MDN1: variants seen among roughly 807,000 people sequenced by gnomAD.
MDN1 encodes midasin AAA ATPase 1, also known as midasin.
A neutral mutation model predicts 669.2 loss-of-function variants in MDN1; 266 were observed. The observed-to-expected ratio is 0.40, with a 90% confidence interval of 0.36 to 0.44. MDN1 has a LOEUF of 0.44. Ranked by LOEUF, MDN1 falls within the 20% of genes least tolerant of loss-of-function variation. The probability of loss-of-function intolerance (pLI) is 1.00; values close to 1 mark genes in which losing one functional copy is unlikely to be tolerated. For synonymous variants in MDN1, 2,385 were observed against 2,457.1 expected, an observed-to-expected ratio of 0.97 and a Z score of 0.87; for missense variants, 5,940 against 6,754.0, an observed-to-expected ratio of 0.88 and a Z score of 4.22.
chr6:89,787,538 G>A (rs542964920), intron 8 of MDN1, among the ~76,000 whole-genome samples: 3 of 152,184 alleles, frequency 2.0e-5, no homozygotes, highest in Non-Finnish European at 4.4e-5. Context: ...GTATACATAG[G>A]TACTAAGTAG....
chr6:89,669,200 GACAAAAGCTAC>G (rs1810465425), intron 83 of MDN1, among the ~76,000 whole-genome samples: 1 of 152,136 alleles, frequency 6.6e-6, no homozygotes, highest in Non-Finnish European at 1.5e-5. Flanking sequence ...CAGCCTGTCA[GACAAAAGCTAC>G]GGTACAAATG....
rs781029849 is a variant in MDN1, at chr6:89,673,435, C to G, written c.13275G>C (p.Ala4425=). The change falls in exon 80 of 102, where the codon GCG becomes GCC. Residue 4425 remains alanine (A), a synonymous_variant. Coordinates refer to ENST00000369393, the MANE Select transcript of MDN1 (RefSeq NM_014611.3). ...SWKDFEVCSS[A]LSCLSQVSVH... is the part of the protein sequence containing the mutation. Reference sequence around the variant, plus strand: ...CTGACACCTGGGACAAGCAACTCAGCGCAGAAGAGCAAACTTCAAAATCTT... The same window carrying G: ...CTGACACCTGGGACAAGCAACTCAGGGCAGAAGAGCAAACTTCAAAATCTT... The G allele has an allele frequency of 1.2e-6, 2 of 1,614,048 alleles. No homozygotes were observed. The highest frequency in any genetic ancestry group is 2.7e-5 in the African/African-American group (2 of 74,912).
At chr6:89,744,983 T>C (rs1816520055) in intron 29 of MDN1, among the ~76,000 whole-genome samples, 1 of 151,552 alleles carries the variant, frequency 6.6e-6, no homozygotes, top group Admixed American at 6.6e-5. Flanking sequence ...TTTTTTTTTT[T>C]TTTAGGGTAC....
chr6:89,793,748 T>C lies in MDN1; in HGVS notation c.855+14A>G. On this transcript the variant is annotated intron_variant, in intron 5 of 101. Coordinates refer to ENST00000369393, the MANE Select transcript of MDN1 (RefSeq NM_014611.3). Reference sequence around the variant, plus strand: ...AGGGGGAAGGGGACACACCCCCTACTGATACCAACATACCAGCTCTCCAGG... The same window carrying C: ...AGGGGGAAGGGGACACACCCCCTACCGATACCAACATACCAGCTCTCCAGG... 6.2e-7 allele frequency: 1 copy of C among 1,609,180 alleles called. No homozygotes were observed. The highest frequency in any genetic ancestry group is 8.5e-7 in the Non-Finnish European group (1 of 1,177,184).
chr6:89,693,895 G>GC (rs1369567495), intron 62 of MDN1, among the ~76,000 whole-genome samples, 179 bp downstream of exon 62: 1 of 152,038 alleles, frequency 6.6e-6, no homozygotes. Context: ...ACCTTGAATA[G>GC]CCCCCCTCTC....
intron 78 of MDN1, among the ~76,000 whole-genome samples, 194 bp from the exon 79 acceptor site, chr6:89,674,783 CAGG>C (rs975771522): frequency 2.0e-5 from 3 of 152,168 alleles, no homozygotes; most frequent in Non-Finnish European, 4.4e-5. Context: ...CTCAGTCTTT[CAGG>C]AGAAGTATCA....
Position 89,696,368 on chromosome 6 carries a change from T to C in MDN1, c.9375A>G (p.Ala3125=), listed in dbSNP as rs1260217681. 1.9e-6 allele frequency: 3 copies of C among 1,614,082 alleles called. No individual in the cohort carries two copies. In the South Asian group the frequency reaches 3.3e-5, roughly 18 times the overall value. ...CCAGGGCGAGGGAATACCTGAATTC[T>C]GCTACTGAAGAGATAGCCATGTTAG... ...LWTNMAISSV[A]EFRRTDSQLQ... The change falls in exon 60 of 102, where the codon GCA becomes GCG. Residue 3125 remains alanine, a synonymous_variant. Transcript: ENST00000369393.
intron 17 of MDN1, among the ~76,000 whole-genome samples, chr6:89,761,124 C>T (rs949444178): frequency 1.3e-5 from 2 of 152,062 alleles, no homozygotes; most frequent in African/African-American, 4.8e-5. Flanking sequence ...CGAGACTGTG[C>T]CACTGCACTC....
intron 5 of MDN1, among the ~76,000 whole-genome samples, chr6:89,792,398 G>T (rs1819316215): frequency 1.3e-5 from 2 of 152,148 alleles, no homozygotes; most frequent in South Asian, 4.2e-4. Context: ...TGGCCCCAGG[G>T]TCCCCACTGC....
rs532785154 is a variant in MDN1, at chr6:89,669,913, GA to G, written c.13956+1005del. On this transcript the variant is annotated intron_variant, in intron 83 of 101. Transcript: ENST00000369393. ...ATGAACAAATGACTTCCCTGCTAAA[GA>G]AAAAAACTGGCTGGGCGCAGTGGCT... 2.1e-3 allele frequency among the ~76,000 whole-genome samples: 317 copies of G among 151,540 alleles called. 1 individual carries two copies. Among genetic ancestry groups the G allele is most frequent in the Admixed American group, 3.8e-3 (58 of 15,220 alleles).
In MDN1 at chr6:89,688,583, G is replaced by A. The variant is rs772321751; in HGVS notation, c.11249C>T (p.Ala3750Val). 6.2e-6 allele frequency: 10 copies of A among 1,613,646 alleles called. No individual in the cohort carries two copies. The highest frequency in any genetic ancestry group is 3.3e-4 in the Middle Eastern group (2 of 6,034). Residue 3750 changes from alanine (A) to valine (V), a missense_variant, in exon 66 of 102, where the codon GCG (alanine) becomes GTG (valine). Physicochemically the swap from Ala to Val is moderately conservative, Grantham distance 64. This residue lies in a region of MDN1 where 2,280 missense variants were observed against 2,576.3 expected (regional missense o/e 0.88). Coordinates refer to ENST00000369393, the MANE Select transcript of MDN1 (RefSeq NM_014611.3). ...CAACAGCTGCCCTACCTGTTCAAGC[G>A]CTGGGTGTTCTGGCCAGTCCTGTAG... Reference protein sequence around the residue: ...HLLQDWPEHPALEQLLVVMDR... With the variant: ...HLLQDWPEHPVLEQLLVVMDR...
rs1301246347 is a variant in MDN1 at position 89,762,472 on chromosome 6, G to C, written c.2203C>G (p.Leu735Val). ...WLPLREAFEELFAQTFSKKQN... is the reference protein window; with the variant it reads ...WLPLREAFEEVFAQTFSKKQN... ...TTCTTGGAAAATGTCTGAGCAAAGA[G>C]TTCCTCAAATGCCTCCCGTAAGGGT... The change falls in exon 16 of 102, where the codon CTC becomes GTC. Residue 735 changes from leucine to valine, a missense_variant. Around this residue, in one of 5 missense-constraint regions of MDN1, gnomAD observed 1,203 missense variants for 1,268.9 expected, o/e 0.95. Coordinates refer to ENST00000369393, the MANE Select transcript of MDN1 (RefSeq NM_014611.3). 2 of 1,614,136 alleles carry C rather than the reference G, an allele frequency of 1.2e-6. No homozygotes were observed. The highest frequency in any genetic ancestry group is 4.5e-5 in the East Asian group (2 of 44,874).
intron 74 of MDN1, among the ~76,000 whole-genome samples, chr6:89,679,635 G>C (rs929295244): frequency 1.9e-4 from 29 of 152,228 alleles, no homozygotes; most frequent in African/African-American, 7.0e-4. Flanking sequence ...GACACAGTGA[G>C]AAGGTGGCCA....
intron 33 of MDN1, 88 bp downstream of exon 33, chr6:89,738,238 A>G: frequency 6.9e-7 from 1 of 1,454,482 alleles, no homozygotes; most frequent in Non-Finnish European, 9.4e-7. Context: ...ATATACACAC[A>G]GGGCTGATGT....
chr6:89,806,081 G>A (rs1256278378), intron 1 of MDN1, among the ~76,000 whole-genome samples: 1 of 152,068 alleles, frequency 6.6e-6, no homozygotes, highest in Non-Finnish European at 1.5e-5. Context: ...AGGATTACAG[G>A]TGTGTGCCAC....
chr6:89,809,551 G>A (rs1034238261), intron 1 of MDN1, among the ~76,000 whole-genome samples: 18 of 151,726 alleles, frequency 1.2e-4, no homozygotes, highest in African/African-American at 1.9e-4. Context: ...CAAGGCGGGT[G>A]GATTACTTGA....
In MDN1 at chr6:89,642,511, A is replaced by ATAAT. The variant is rs897962285; in HGVS notation, c.*1490_*1493dup. ...GATGCAACATCATCATTTATGGAGG[A>ATAAT]TAATTAATTTTTATAAGCCTCCTTA... On this transcript the variant is annotated 3_prime_UTR_variant, in exon 102 of 102. Coordinates refer to ENST00000369393, the MANE Select transcript of MDN1 (RefSeq NM_014611.3). 1.3e-5 allele frequency: 2 copies of ATAAT among 152,234 alleles called. No individual in the cohort carries two copies. The highest frequency in any genetic ancestry group is 2.9e-5 in the Non-Finnish European group (2 of 68,046). The allele number at this position is 152,234 out of a possible 1,614,324, so 9.4% of individuals were successfully genotyped here.
intron 2 of MDN1, among the ~76,000 whole-genome samples, chr6:89,803,090 C>T (rs911893849): frequency 5.3e-5 from 8 of 152,198 alleles, no homozygotes; most frequent in Admixed American, 5.2e-4. Context: ...GGGACATATC[C>T]TGGCCATCTT....
intron 59 of MDN1, among the ~76,000 whole-genome samples, 190 bp from the exon 60 acceptor site, chr6:89,696,764 G>A (rs548656998): frequency 6.6e-6 from 1 of 152,282 alleles, no homozygotes; most frequent in South Asian, 2.1e-4. Flanking sequence ...CATGCTCTAG[G>A]AAATGAGCAA....
Sources: gnomAD v4.1 joint callset for allele counts (sites outside exome capture counted in the v4.1 genomes callset) on GRCh38, gnomAD v4.1.1 for gene constraint, gnomAD v4.1.1 regional missense constraint, MANE v1.5 for transcripts, NCBI Gene and HGNC (gene_info 2026-07-23, HGNC 2026-07-21) for gene names.